Variants in DCAF17 observed in about 807,000 individuals in gnomAD.
The protein encoded by DCAF17 is DDB1- and CUL4-associated factor 17.
DCAF17 carries 48 observed loss-of-function variants against 66.0 expected under a neutral mutation model. The ratio of observed to expected loss-of-function variants is 0.73; its 90% confidence interval spans 0.58 to 0.92. The LOEUF is 0.92. DCAF17 is among the 40% of genes least tolerant of loss of function. DCAF17 has a pLI of 0.00. For missense variants in DCAF17, 562 were observed against 622.8 expected (o/e 0.90, Z 1.04); for synonymous variants, 206 against 214.6 (o/e 0.96, Z 0.35).
chr2:171,434,328 A>C lies in DCAF17; in HGVS notation c.-250A>C. The C allele has an allele frequency of 1.5e-6, 1 of 677,684 alleles. No homozygotes were observed. Among genetic ancestry groups the C allele is most frequent in the Non-Finnish European group, 2.6e-6 (1 of 383,438 alleles). 42.0% of individuals were successfully genotyped at this position (677,684 alleles called of 1,614,324 possible). A position where few individuals can be genotyped will look rare whatever the true frequency, so the allele number is the denominator to read the frequency against. ...CCGGAGCGTCGCACTGTCAGCGGCC[A>C]GAGAGCCTGGGGCAGATCGAAAAGG... is the stretch of plus-strand genomic sequence containing the variant. On this transcript the variant is annotated 5_prime_UTR_variant, in exon 1 of 14. Coordinates refer to ENST00000375255, the MANE Select transcript of DCAF17 (RefSeq NM_025000.4).
intron 9 of DCAF17, among the ~76,000 whole-genome samples, chr2:171,470,059 TG>T (rs1696152194): frequency 1.3e-5 from 2 of 152,226 alleles, no homozygotes; most frequent in African/African-American, 4.8e-5. Context: ...AGTCTCACTC[TG>T]GTGCCTAGCC....
chr2:171,479,362 A>T (rs1574407306), intron 12 of DCAF17, among the ~76,000 whole-genome samples: 3 of 152,232 alleles, frequency 2.0e-5, no homozygotes, highest in African/African-American at 7.2e-5. Flanking sequence ...CTTTCCGTGC[A>T]AGGTTTCTGG....
chr2:171,454,288 A>ATT (rs1205261547), intron 6 of DCAF17, among the ~76,000 whole-genome samples: 17 of 144,560 alleles, frequency 1.2e-4, no homozygotes, highest in African/African-American at 4.3e-4. Flanking sequence ...ATTATTATTA[A>ATT]TTTTTTTTTT....
At chr2:171,445,305 A>G (rs1694553368) in intron 3 of DCAF17, among the ~76,000 whole-genome samples, 1 of 152,070 alleles carries the variant, frequency 6.6e-6, no homozygotes, top group African/African-American at 2.4e-5. Flanking sequence ...TTGTATTTTT[A>G]GTAGACACGG....
intron 3 of DCAF17, among the ~76,000 whole-genome samples, chr2:171,445,750 A>G (rs1267877241): frequency 1.3e-5 from 2 of 152,074 alleles, no homozygotes; most frequent in African/African-American, 4.8e-5. Flanking sequence ...TGGCACAATC[A>G]CAGCTCACTG....
Position 171,479,910 on chromosome 2 carries a change from C to T in DCAF17, c.1267-128C>T, listed in dbSNP as rs1696664208. On this transcript the variant is annotated intron_variant, in intron 12 of 13. Transcript: ENST00000375255. Reference sequence around the variant, plus strand: ...AGATACATTTCTACCTATTATTCTTCCCATTCATTCATTCTTCTCCCATAT... The same window carrying T: ...AGATACATTTCTACCTATTATTCTTTCCATTCATTCATTCTTCTCCCATAT... 10 of 1,012,280 alleles carry T rather than the reference C, an allele frequency of 9.9e-6. No homozygotes were observed. The South Asian group carries it at 1.5e-4, about 15-fold the overall frequency. 62.7% of individuals were successfully genotyped at this position (1,012,280 alleles called of 1,614,324 possible). A position where few individuals can be genotyped will look rare whatever the true frequency, so the allele number is the denominator to read the frequency against.
At chr2:171,474,145 C>T (rs1419686493) in intron 10 of DCAF17, 170 bp downstream of exon 10, 27 of 640,244 alleles carry the variant, frequency 4.2e-5, no homozygotes, top group Non-Finnish European at 7.3e-5. Context: ...TTCTTTGAGA[C>T]TCAACATTAC....
At chr2:171,453,876 C>T (rs1384631506) in intron 6 of DCAF17, among the ~76,000 whole-genome samples, 3 of 152,102 alleles carry the variant, frequency 2.0e-5, no homozygotes, top group Admixed American at 2.0e-4. Context: ...ATCTACTGAT[C>T]TTTATAAGCA....
At chr2:171,471,489 G>A (rs753207674) in intron 9 of DCAF17, among the ~76,000 whole-genome samples, 2 of 152,168 alleles carry the variant, frequency 1.3e-5, no homozygotes, top group African/African-American at 2.4e-5. Flanking sequence ...GATATGTATA[G>A]TATGTGCATA....
intron 8 of DCAF17, among the ~76,000 whole-genome samples, chr2:171,460,258 G>T (rs1695500696): frequency 6.6e-6 from 1 of 151,374 alleles, no homozygotes; most frequent in Admixed American, 6.6e-5. Flanking sequence ...AGGAGATGGA[G>T]GTTGCAGTGA....
intron 3 of DCAF17, 33 bp downstream of exon 3, chr2:171,443,646 A>AC: frequency 6.4e-7 from 1 of 1,561,050 alleles, no homozygotes; most frequent in Non-Finnish European, 8.8e-7. Context: ...TTGTTTCTAA[A>AC]GCATTTTTAG....
At chr2:171,443,871 T>C (rs938398024) in intron 3 of DCAF17, among the ~76,000 whole-genome samples, 2 of 152,272 alleles carry the variant, frequency 1.3e-5, no homozygotes, top group Admixed American at 1.3e-4. Context: ...TATAAATCGA[T>C]TAAAAGTTAT....
chr2:171,441,066 A>G (rs1041304813), intron 2 of DCAF17, among the ~76,000 whole-genome samples: 10 of 152,196 alleles, frequency 6.6e-5, no homozygotes, highest in African/African-American at 1.9e-4. Flanking sequence ...TAGCCAGCCT[A>G]CAATTTAGCC....
chr2:171,457,929 TC>T (rs774507646), intron 6 of DCAF17, 41 bp from the exon 7 acceptor site: 1 of 1,466,570 alleles, frequency 6.8e-7, no homozygotes, highest in Non-Finnish European at 9.6e-7. Context: ...GGATTGGACT[TC>T]CAGTCTTTTC....
intron 6 of DCAF17, among the ~76,000 whole-genome samples, chr2:171,454,523 A>G (rs1352929877): frequency 1.3e-5 from 2 of 152,052 alleles, no homozygotes; most frequent in Admixed American, 1.3e-4. Flanking sequence ...TGACTTCGTG[A>G]TCTGCTCACC....
Position 171,484,828 on chromosome 2 carries a change from G to T in DCAF17, c.*3714G>T, listed in dbSNP as rs1403005966. On this transcript the variant is annotated 3_prime_UTR_variant, in exon 14 of 14. Coordinates refer to ENST00000375255, the MANE Select transcript of DCAF17 (RefSeq NM_025000.4). ...AATTTACCTGTTCTAAACTTCATAT[G>T]AGTGAAATTATACAAAATGTAATGC... 4.4e-6 allele frequency: 2 copies of T among 453,758 alleles called. No homozygotes were observed. The highest frequency in any genetic ancestry group is 3.1e-5 in the South Asian group (2 of 64,454). The allele number at this position is 453,758 out of a possible 1,614,324, so 28.1% of individuals were successfully genotyped here.
intron 3 of DCAF17, among the ~76,000 whole-genome samples, chr2:171,445,732 G>T (rs1312339598): frequency 1.3e-5 from 2 of 151,814 alleles, no homozygotes; most frequent in Non-Finnish European, 2.9e-5. Flanking sequence ...GCCTAAGCTG[G>T]AGTCCAGTGG....
At position 171,474,385 on chromosome 2, in the gene DCAF17, C is replaced by G. The variant is rs1014630643; in HGVS notation, c.1091+410C>G. 4 of 207,152 alleles carry G rather than the reference C, an allele frequency of 1.9e-5. No individual in the cohort carries two copies. In the East Asian group the frequency reaches 4.9e-4, roughly 25 times the overall value. 12.8% of individuals were successfully genotyped at this position (207,152 alleles called of 1,614,324 possible). A position where few individuals can be genotyped will look rare whatever the true frequency, so the allele number is the denominator to read the frequency against. On this transcript the variant is annotated intron_variant, in intron 10 of 13. Transcript: ENST00000375255. ...GGTTTCAGGGCACACACAACTCCCA[C>G]AAACTGACCTCTCCTTCCCTTAAAC...
chr2:171,461,193 C>G (rs1294401474), intron 8 of DCAF17, among the ~76,000 whole-genome samples: 1 of 151,992 alleles, frequency 6.6e-6, no homozygotes, highest in East Asian at 1.9e-4. Context: ...GCCTGTAATC[C>G]CAGCACTTTA....
Sources: allele counts gnomAD v4.1 joint callset (sites outside exome capture counted in the v4.1 genomes callset), GRCh38; gene constraint gnomAD v4.1.1; transcripts MANE v1.5; gene names NCBI Gene and HGNC (gene_info 2026-07-23, HGNC 2026-07-21).